NFIA: variants seen among roughly 807,000 people sequenced by gnomAD.
NFIA encodes the protein nuclear factor I A.
Under a neutral mutation model 62.8 loss-of-function variants are expected in NFIA, and 8 were observed. The ratio of observed to expected loss-of-function variants is 0.13; its 90% CI spans 0.07 to 0.23. The LOEUF (loss-of-function observed/expected upper bound fraction) is 0.23. Ranked by LOEUF, NFIA falls within the 10% of genes least tolerant of loss-of-function variation. The pLI, the probability that NFIA is intolerant of heterozygous loss-of-function variation, is 1.00. For synonymous variants in NFIA, 235 were observed against 238.1 expected (o/e 0.99, Z 0.12); for missense variants, 410 against 642.1 (o/e 0.64, Z 3.91).
intron 7 of NFIA, among the ~76,000 whole-genome samples, chr1:61,385,076 A>G (rs77769527): frequency 6.6e-6 from 1 of 151,510 alleles, no homozygotes; most frequent in Non-Finnish European, 1.5e-5. Flanking sequence ...TACTAAAAAT[A>G]CAAAAAAAAA....
In NFIA at chr1:61,088,406, T is replaced by C; in HGVS notation, c.285T>C (p.Val95=). ...ATCGAGAGGATTTTGTTCTTACAGT[T>C]ACAGGGAAAAAACCTCCATGTTGTG... ...PEYREDFVLT[V]TGKKPPCCVL... is the part of the protein sequence containing the mutation. Residue 95 remains valine (V), a synonymous_variant, in exon 2 of 11, where the codon GTT becomes GTC. Coordinates refer to ENST00000403491, the MANE Select transcript of NFIA (RefSeq NM_001134673.4). The surrounding 1 kb of genome is among the most constrained non-coding windows in gnomAD (Gnocchi z 4.5). The C allele has an allele frequency of 1.9e-6, 3 of 1,613,840 alleles. No individual in the cohort carries two copies. The highest frequency in any genetic ancestry group is 2.5e-6 in the Non-Finnish European group (3 of 1,179,964).
Position 61,460,078 on chromosome 1 carries a change from G to A in NFIA, c.*4758G>A, listed in dbSNP as rs1323005987. On this transcript the variant is annotated 3_prime_UTR_variant, in exon 11 of 11. Coordinates refer to ENST00000403491, the MANE Select transcript of NFIA (RefSeq NM_001134673.4). ...AGTGGCACCTCAAAACCCACCCTTC[G>A]AGATCTGTCCAAAGACAGTCTCAGA... is the stretch of plus-strand genomic sequence containing the variant. The A allele has an allele frequency of 2.6e-5, 4 of 152,010 alleles. No homozygotes were observed. The highest frequency in any genetic ancestry group is 4.4e-5 in the Non-Finnish European group (3 of 68,048). The allele number at this position is 152,010 out of a possible 1,614,324, so 9.4% of individuals were successfully genotyped here.
At chr1:61,293,243 A>C (rs1659000957) in intron 3 of NFIA, among the ~76,000 whole-genome samples, 1 of 152,082 alleles carries the variant, frequency 6.6e-6, no homozygotes, top group Non-Finnish European at 1.5e-5. Flanking sequence ...GTTCTTGGGA[A>C]TCTCCTTTGT....
intron 10 of NFIA, among the ~76,000 whole-genome samples, chr1:61,434,996 A>G (rs1029923344): frequency 6.6e-6 from 1 of 152,202 alleles, no homozygotes; most frequent in Non-Finnish European, 1.5e-5. Context: ...CAGGAACTAG[A>G]TCAAAAGTTG....
chr1:61,354,207 C>T (rs1204669928), intron 5 of NFIA, among the ~76,000 whole-genome samples: 1 of 152,166 alleles, frequency 6.6e-6, no homozygotes, highest in East Asian at 1.9e-4. Context: ...AAATAACTAA[C>T]CCTGATAAGG....
chr1:61,358,156 C>T (rs1569595850), intron 5 of NFIA, among the ~76,000 whole-genome samples: 1 of 152,220 alleles, frequency 6.6e-6, no homozygotes, highest in Admixed American at 6.5e-5. Flanking sequence ...CATTGGGCCA[C>T]TCTTTTTTTA....
chr1:61,112,931 CTG>C (rs1416825184), intron 2 of NFIA, among the ~76,000 whole-genome samples: 1 of 152,056 alleles, frequency 6.6e-6, no homozygotes, highest in African/African-American at 2.4e-5. Context: ...TTTATAGTGA[CTG>C]TGGATTGAGG....
chr1:61,240,985 G>A (rs550069691), intron 2 of NFIA, among the ~76,000 whole-genome samples: 1 of 147,886 alleles, frequency 6.8e-6, no homozygotes, highest in Non-Finnish European at 1.5e-5. Flanking sequence ...TTTTTTTTTA[G>A]TCCAGTTCAT....
intron 2 of NFIA, among the ~76,000 whole-genome samples, chr1:61,238,033 A>G (rs999436657): frequency 2.0e-5 from 3 of 152,238 alleles, no homozygotes; most frequent in Non-Finnish European, 2.9e-5. Flanking sequence ...CATTTCACAA[A>G]TTAAATGGCA....
At chr1:61,105,958 T>C (rs1052568406) in intron 2 of NFIA, among the ~76,000 whole-genome samples, 2 of 149,506 alleles carry the variant, frequency 1.3e-5, no homozygotes, top group East Asian at 4.5e-4. Context: ...GTTCACTTGG[T>C]TAAAAAAAAA....
intron 2 of NFIA, among the ~76,000 whole-genome samples, chr1:61,121,335 A>G (rs551546005): frequency 1.8e-4 from 27 of 152,174 alleles, no homozygotes; most frequent in Admixed American, 1.2e-3. Flanking sequence ...AGAAATTAGC[A>G]ATCTTTTGCT....
chr1:61,211,124 T>C (rs907020557), intron 2 of NFIA, among the ~76,000 whole-genome samples: 1 of 152,188 alleles, frequency 6.6e-6, no homozygotes, highest in South Asian at 2.1e-4. Flanking sequence ...GTGAACTGTG[T>C]CATTTCAAAA....
chr1:61,256,940 A>C (rs113694445), intron 2 of NFIA, among the ~76,000 whole-genome samples: 138 of 152,308 alleles, frequency 9.1e-4, no homozygotes, highest in Admixed American at 2.5e-3. Flanking sequence ...ATTTTCATAA[A>C]TTTGGTAAAT....
intron 6 of NFIA, among the ~76,000 whole-genome samples, chr1:61,367,430 G>A (rs943772753): frequency 2.6e-5 from 4 of 152,214 alleles, no homozygotes; most frequent in African/African-American, 9.6e-5. Flanking sequence ...ATTGCCATGG[G>A]ATCGATGTCT....
At chr1:61,247,280 C>T (rs1655706178) in intron 2 of NFIA, among the ~76,000 whole-genome samples, 1 of 152,238 alleles carries the variant, frequency 6.6e-6, no homozygotes, top group South Asian at 2.1e-4. Flanking sequence ...AAACATTAAG[C>T]TGACACCAAG....
At chr1:61,192,151 G>T (rs576967050) in intron 2 of NFIA, among the ~76,000 whole-genome samples, 2 of 152,038 alleles carry the variant, frequency 1.3e-5, no homozygotes, top group East Asian at 3.9e-4. Flanking sequence ...GTAGACATGG[G>T]ATTTCACCGT....
chr1:61,424,622 C>T, intron 9 of NFIA, among the ~76,000 whole-genome samples: 1 of 151,988 alleles, frequency 6.6e-6, no homozygotes, highest in East Asian at 1.9e-4. Flanking sequence ...CACTTTTTTC[C>T]CTAACCACTA....
chr1:61,224,722 A>T (rs1006038984), intron 2 of NFIA, among the ~76,000 whole-genome samples: 5 of 152,086 alleles, frequency 3.3e-5, no homozygotes, highest in Non-Finnish European at 7.4e-5. Flanking sequence ...CACCTCCTCT[A>T]CTCATCTATC....
At position 61,282,734 on chromosome 1, in the gene NFIA, C is replaced by A. The variant is rs143322549; in HGVS notation, c.625+5149C>A. The stretch of plus-strand genomic sequence containing the variant: ...AAAAAGAAAATGTGGGGCTCCCTTG[C>A]CAGAAAGTAATGCTATCTTCACCTG... On this transcript the variant is annotated intron_variant, in intron 3 of 10. Transcript: ENST00000403491. 1.8e-3 allele frequency among the ~76,000 whole-genome samples: 281 copies of A among 152,266 alleles called. 5 individuals are homozygous for A. The highest frequency in any genetic ancestry group is 0.016 in the Admixed American group (249 of 15,292).
Sources: allele counts gnomAD v4.1 joint callset (sites outside exome capture counted in the v4.1 genomes callset), GRCh38; gene constraint gnomAD v4.1.1; non-coding constraint Gnocchi (gnomAD v3.1); transcripts MANE v1.5; gene names NCBI Gene and HGNC (gene_info 2026-07-23, HGNC 2026-07-21).